PAX6: variants seen among roughly 807,000 people sequenced by gnomAD.
PAX6 encodes paired box 6.
In PAX6, 7 loss-of-function variants were observed where a neutral mutation model predicts 60.7. The observed-to-expected ratio is 0.12, with a 90% CI of 0.07 to 0.22. The LOEUF is 0.22. Ranked by LOEUF, PAX6 falls within the 10% of genes least tolerant of loss-of-function variation. The probability of loss-of-function intolerance (pLI) is 1.00; values close to 1 mark genes in which losing one functional copy is unlikely to be tolerated. For missense variants in PAX6, 355 were observed against 555.2 expected, an observed-to-expected ratio of 0.64 and a Z score of 3.62; for synonymous variants, 208 against 201.2, an observed-to-expected ratio of 1.03 and a Z score of -0.29.
In PAX6 at chr11:31,793,525, C is replaced by T. The variant is rs1204323087; in HGVS notation, c.987G>A (p.Leu329=). ...PVSSFTSGSM[L]GRTDTALTNT... ...TTGTGAGGGCTGTGTCTGTTCGGCCCAACATGGAGCCAGATGTGAAGGAGG... is the reference window on the plus strand; with the variant it reads ...TTGTGAGGGCTGTGTCTGTTCGGCCTAACATGGAGCCAGATGTGAAGGAGG... Residue 329 remains leucine, a synonymous_variant, in exon 12 of 14, where the codon TTG becomes TTA. Coordinates refer to ENST00000640368, the MANE Select transcript of PAX6 (RefSeq NM_001368894.2). 1.9e-6 allele frequency: 3 copies of T among 1,614,074 alleles called. No homozygotes were observed. The highest frequency in any genetic ancestry group is 2.2e-5 in the East Asian group (1 of 44,896).
At chr11:31,814,217 C>T (rs1444056425), upstream of PAX6, 3 of 152,250 alleles carry the variant, frequency 2.0e-5, no homozygotes, top group South Asian at 2.1e-4. Context: ...TCGTCCCACC[C>T]GGTAGCGGGG....
intron 13 of PAX6, 169 bp downstream of exon 13, chr11:31,790,541 A>G: frequency 6.3e-6 from 6 of 957,972 alleles, no homozygotes; most frequent in Non-Finnish European, 7.5e-6. Flanking sequence ...TATATGGTGT[A>G]AAGTTACTAA....
intron 1 of PAX6, chr11:31,816,615 C>G (rs1477964349): frequency 5.7e-6 from 4 of 702,510 alleles, no homozygotes; most frequent in Non-Finnish European, 7.8e-6. Flanking sequence ...GAGAGGAACC[C>G]GCGGAGGAGA....
chr11:31,806,208 T>C (rs1955753029), intron 4 of PAX6, 194 bp downstream of exon 4: 2 of 559,306 alleles, frequency 3.6e-6, no homozygotes, highest in Non-Finnish European at 6.2e-6. Flanking sequence ...TTCTCCAGTA[T>C]CGAGAAGAGC....
chr11:31,804,566 C>T (rs1955166414), intron 4 of PAX6: 1 of 152,302 alleles, frequency 6.6e-6, no homozygotes, highest in South Asian at 2.1e-4. Context: ...CACCGCTTCT[C>T]CAACAGAGCA....
chr11:31,803,053 C>T (rs1027235568), intron 4 of PAX6: 4 of 602,758 alleles, frequency 6.6e-6, no homozygotes, highest in African/African-American at 5.5e-5. Flanking sequence ...TCCCTGCTAT[C>T]GATCAAATAA....
At chr11:31,815,533 G>A (rs1032110678), upstream of PAX6, among the ~76,000 whole-genome samples, 3 of 152,152 alleles carry the variant, frequency 2.0e-5, no homozygotes, top group Non-Finnish European at 4.4e-5. Context: ...GGGAGGGGGA[G>A]GGAGCAAATG....
intron 8 of PAX6, among the ~76,000 whole-genome samples, chr11:31,800,359 GGCTCTCCCT>G (rs1445466040): frequency 6.6e-6 from 1 of 152,098 alleles, no homozygotes; most frequent in African/African-American, 2.4e-5. Context: ...TCTACAAGGG[GGCTCTCCCT>G]GCATTCTAAT....
upstream of PAX6, chr11:31,812,302 C>CTGTGTG (rs61627052): frequency 0.058 from 4,977 of 86,070 alleles, 242 homozygotes; most frequent in East Asian, 0.18. Flanking sequence ...CTCTCTCTCT[C>CTGTGTG]TGTGTGTGTG....
chr11:31,800,657 T>A, intron 8 of PAX6, 34 bp downstream of exon 8: 2 of 1,612,666 alleles, frequency 1.2e-6, no homozygotes, highest in Non-Finnish European at 1.7e-6. Context: ...GATGCACATA[T>A]GGAGAGCTGC....
intron 9 of PAX6, 171 bp downstream of exon 9, chr11:31,794,459 C>A: frequency 1.9e-6 from 1 of 520,960 alleles, no homozygotes; most frequent in Non-Finnish European, 3.4e-6. Context: ...CACACACACA[C>A]ACACACACAC....
At chr11:31,795,816 A>G (rs552979504) in intron 8 of PAX6, among the ~76,000 whole-genome samples, 4 of 152,276 alleles carry the variant, frequency 2.6e-5, no homozygotes, top group Admixed American at 1.3e-4. Context: ...GATTGCCTAA[A>G]CTCTGACTGG....
upstream of PAX6, among the ~76,000 whole-genome samples, chr11:31,815,871 C>T (rs1027450527): frequency 7.9e-5 from 12 of 152,248 alleles, no homozygotes; most frequent in African/African-American, 2.9e-4. Flanking sequence ...ACCTGGCTAG[C>T]GGGGAAAACC....
chr11:31,801,542 A>G lies in PAX6; in HGVS notation c.399+19T>C. 6.2e-7 allele frequency: 1 copy of G among 1,614,076 alleles called. No individual in the cohort carries two copies. Among genetic ancestry groups the G allele is most frequent in the South Asian group, 1.1e-5 (1 of 91,076 alleles). ...ATTGGGCTTAGGGCAGGGAGGGCAG[A>G]TGTTCTCAATGAACTTACGCTTGGT... On this transcript the variant is annotated intron_variant, in intron 7 of 13. Coordinates refer to ENST00000640368, the MANE Select transcript of PAX6 (RefSeq NM_001368894.2).
intron 5 of PAX6, 137 bp from the exon 6 acceptor site, chr11:31,802,049 A>G: frequency 1.3e-6 from 1 of 775,806 alleles, no homozygotes; most frequent in Non-Finnish European, 2.1e-6. Flanking sequence ...AACGAATTTA[A>G]AAGCTTTTTT....
chr11:31,795,708 T>C (rs1371862308), intron 8 of PAX6, among the ~76,000 whole-genome samples: 1 of 152,288 alleles, frequency 6.6e-6, no homozygotes, highest in Non-Finnish European at 1.5e-5. Context: ...GGGAAAGTTT[T>C]ATGGTTTTCC....
At chr11:31,816,746 A>T in intron 1 of PAX6, 1 of 662,310 alleles carries the variant, frequency 1.5e-6, no homozygotes, top group Non-Finnish European at 2.7e-6. Flanking sequence ...CACCTGTCAC[A>T]GGTGACTGAG....
At chr11:31,815,318 T>C (rs1455182406), upstream of PAX6, among the ~76,000 whole-genome samples, 2 of 152,206 alleles carry the variant, frequency 1.3e-5, no homozygotes, top group Non-Finnish European at 2.9e-5. Flanking sequence ...CTTTTCCCTG[T>C]AACCTCTGCC....
At chr11:31,793,826 A>G in intron 10 of PAX6, 24 bp from the exon 11 acceptor site, 1 of 1,614,090 alleles carries the variant, frequency 6.2e-7, no homozygotes. Context: ...GGGACAGGTT[A>G]GCACTGTGTC....
Sources: gnomAD v4.1 joint callset for allele counts (sites outside exome capture counted in the v4.1 genomes callset) on GRCh38, gnomAD v4.1.1 for gene constraint, MANE v1.5 for transcripts, NCBI Gene and HGNC (gene_info 2026-07-23, HGNC 2026-07-21) for gene names.